Variants in SLC35F4 observed in about 807,000 individuals in gnomAD.
The protein encoded by SLC35F4 is solute carrier family 35 member F4.
In SLC35F4, 24 loss-of-function variants were observed where a neutral mutation model predicts 44.2. That is an observed-to-expected ratio of 0.54 (90% CI 0.39 to 0.76). The LOEUF is 0.76. Among genes scored for constraint, SLC35F4 ranks in the 30% least tolerant of loss-of-function variants. The pLI is 0.00. For synonymous variants in SLC35F4, 238 were observed against 223.6 expected (o/e 1.06, Z -0.57); for missense variants, 562 against 586.1 (o/e 0.96, Z 0.42).
chr14:57,566,796 G>T (rs983685064), intron 6 of SLC35F4, among the ~76,000 whole-genome samples: 2 of 152,278 alleles, frequency 1.3e-5, no homozygotes, highest in African/African-American at 4.8e-5. Flanking sequence ...CTGGCAAAAG[G>T]TATATGGACA....
At chr14:57,738,065 T>C (rs1390389015) in intron 1 of SLC35F4, among the ~76,000 whole-genome samples, 3 of 152,214 alleles carry the variant, frequency 2.0e-5, no homozygotes, top group Admixed American at 6.5e-5. Context: ...GTGTATTAAT[T>C]ATGTCTGCAA....
In SLC35F4 at chr14:57,915,253, C is replaced by T. The variant is rs142061782; in HGVS notation, n.282+66660G>A. Reference sequence around the variant, plus strand: ...CTATTCTGCCTTTTAGAGCTCTAGGCCTATGATAGAGGGGCACTCTCGAAG... The same window carrying T: ...CTATTCTGCCTTTTAGAGCTCTAGGTCTATGATAGAGGGGCACTCTCGAAG... On this transcript the variant is annotated intron_variant and non_coding_transcript_variant, in intron 1 of 1. Coordinates refer to the SLC35F4 transcript ENST00000556568. Among the ~76,000 whole-genome samples, 3 of 152,208 alleles carry T rather than the reference C, an allele frequency of 2.0e-5. No individual in the cohort carries two copies. The East Asian group carries it at 5.8e-4, about 29-fold the overall frequency.
chr14:57,932,877 G>A (rs1295594160), intron 1 of SLC35F4, among the ~76,000 whole-genome samples: 1 of 152,036 alleles, frequency 6.6e-6, no homozygotes, highest in Non-Finnish European at 1.5e-5. Flanking sequence ...CTCTCTGTGT[G>A]TATATTAGAG....
At chr14:57,660,715 T>G (rs145690325) in intron 1 of SLC35F4, among the ~76,000 whole-genome samples, 1 of 152,274 alleles carries the variant, frequency 6.6e-6, no homozygotes, top group Non-Finnish European at 1.5e-5. Flanking sequence ...GCTGTCATAT[T>G]GTGAGCATTC....
At chr14:57,681,599 A>G (rs1056756188) in intron 1 of SLC35F4, among the ~76,000 whole-genome samples, 1 of 152,138 alleles carries the variant, frequency 6.6e-6, no homozygotes, top group African/African-American at 2.4e-5. Context: ...ATGGGCAAAG[A>G]CTTCATGACT....
intron 1 of SLC35F4, among the ~76,000 whole-genome samples, chr14:57,666,745 A>G (rs1258067392): frequency 6.6e-6 from 1 of 152,066 alleles, no homozygotes; most frequent in African/African-American, 2.4e-5. Context: ...AGTTACTCAG[A>G]AAAGCAAGAG....
chr14:57,809,942 G>GA (rs1881770040), intron 1 of SLC35F4, among the ~76,000 whole-genome samples: 2 of 152,084 alleles, frequency 1.3e-5, no homozygotes, highest in Admixed American at 1.3e-4. Flanking sequence ...CATAAAACTT[G>GA]TTTTTTTCCA....
chr14:57,669,592 G>A (rs1433158666), intron 1 of SLC35F4, among the ~76,000 whole-genome samples: 1 of 152,094 alleles, frequency 6.6e-6, no homozygotes, highest in Non-Finnish European at 1.5e-5. Flanking sequence ...AGATAATCAT[G>A]CGGTTTTTGT....
intron 1 of SLC35F4, among the ~76,000 whole-genome samples, chr14:57,603,190 A>G (rs1326143623): frequency 6.6e-6 from 1 of 152,254 alleles, no homozygotes; most frequent in African/African-American, 2.4e-5. Flanking sequence ...CAGCAGAAAT[A>G]CCACAAAATT....
chr14:57,710,234 C>A (rs1040208968), intron 1 of SLC35F4, among the ~76,000 whole-genome samples: 1 of 152,246 alleles, frequency 6.6e-6, no homozygotes, highest in Admixed American at 6.5e-5. Flanking sequence ...TCAGAGGGTG[C>A]AAGCCCTAAG....
At chr14:57,884,445 T>G (rs1297214878) in intron 1 of SLC35F4, among the ~76,000 whole-genome samples, 1 of 152,202 alleles carries the variant, frequency 6.6e-6, no homozygotes. Context: ...CAAAATGGAT[T>G]AGAGGACTCT....
At chr14:57,793,520 T>C (rs1184125627) in intron 1 of SLC35F4, among the ~76,000 whole-genome samples, 1 of 152,162 alleles carries the variant, frequency 6.6e-6, no homozygotes, top group African/African-American at 2.4e-5. Flanking sequence ...CCTGAGTTAC[T>C]CAGGATAATG....
At chr14:57,650,808 C>T (rs2073751712) in intron 1 of SLC35F4, among the ~76,000 whole-genome samples, 1 of 152,132 alleles carries the variant, frequency 6.6e-6, no homozygotes, top group Admixed American at 6.5e-5. Context: ...CTTTCACTCA[C>T]TGGTTCTGTG....
At chr14:57,875,240 C>G (rs746137935) in intron 1 of SLC35F4, among the ~76,000 whole-genome samples, 1 of 152,168 alleles carries the variant, frequency 6.6e-6, no homozygotes, top group Admixed American at 6.5e-5. Flanking sequence ...AAATCATCAG[C>G]TGGGCATGCA....
intron 1 of SLC35F4, chr14:57,630,935 T>C: frequency 1.4e-6 from 1 of 710,276 alleles, no homozygotes; most frequent in Non-Finnish European, 1.7e-6. Context: ...GTAAAGATTC[T>C]CATTTTTATG....
chr14:57,744,648 T>A (rs949218035), intron 1 of SLC35F4, among the ~76,000 whole-genome samples: 8 of 152,220 alleles, frequency 5.3e-5, no homozygotes, highest in South Asian at 4.1e-4. Context: ...ATGGCCATAC[T>A]GTCCAAGGTA....
At chr14:57,811,765 AAAT>A (rs1430259857) in intron 1 of SLC35F4, among the ~76,000 whole-genome samples, 3 of 152,188 alleles carry the variant, frequency 2.0e-5, no homozygotes, top group African/African-American at 4.8e-5. Flanking sequence ...TCTCCAATTT[AAAT>A]AATAAGTTTG....
At chr14:57,918,379 C>G (rs934732168) in intron 1 of SLC35F4, among the ~76,000 whole-genome samples, 8 of 152,172 alleles carry the variant, frequency 5.3e-5, no homozygotes, top group Non-Finnish European at 1.0e-4. Context: ...AGTTGTGACT[C>G]TCTGTATCTG....
At chr14:57,886,677 T>C (rs193077522) in intron 1 of SLC35F4, among the ~76,000 whole-genome samples, 5 of 152,290 alleles carry the variant, frequency 3.3e-5, no homozygotes, top group African/African-American at 9.6e-5. Flanking sequence ...AAAGTTCCCA[T>C]TGGTTCTTTG....
Sources: allele counts gnomAD v4.1 joint callset (sites outside exome capture counted in the v4.1 genomes callset), GRCh38; gene constraint gnomAD v4.1.1; transcripts MANE v1.5; gene names NCBI Gene and HGNC (gene_info 2026-07-23, HGNC 2026-07-21).